Variants in NAP1L4 observed in about 807,000 individuals in gnomAD.
NAP1L4 encodes nucleosome assembly protein 1 like 4, also known as nucleosome assembly protein 1-like 4.
In NAP1L4, 15 loss-of-function variants were observed where a neutral mutation model predicts 58.2. That is an observed-to-expected ratio of 0.26 (90% CI 0.17 to 0.40). NAP1L4 has a LOEUF of 0.40. NAP1L4 is among the 10% of genes least tolerant of loss of function. The probability of loss-of-function intolerance (pLI) is 1.00; values close to 1 mark genes in which losing one functional copy is unlikely to be tolerated. For synonymous variants in NAP1L4, 171 were observed against 155.6 expected (o/e 1.10, Z -0.74); for missense variants, 384 against 451.1 (o/e 0.85, Z 1.35).
rs774443094 is a variant in NAP1L4, at chr11:2,954,496, G to T, written c.1035+31C>A. Reference sequence around the variant, plus strand: ...CTGCACCAACAGAGATAAGCACCCAGGTGGAAGCCCCCCTTCCCCGAGCCT... The same window carrying T: ...CTGCACCAACAGAGATAAGCACCCATGTGGAAGCCCCCCTTCCCCGAGCCT... On this transcript the variant is annotated intron_variant, in intron 12 of 15. Transcript: ENST00000380542. The surrounding 1 kb of genome is among the most constrained non-coding windows in gnomAD (Gnocchi z 4.8). The T allele has an allele frequency of 6.2e-7, 1 of 1,612,940 alleles. No homozygotes were observed. Among genetic ancestry groups the T allele is most frequent in the Admixed American group, 1.7e-5 (1 of 59,964 alleles).
At chr11:2,958,169 C>T (rs1253809178) in intron 10 of NAP1L4, 2 of 680,754 alleles carry the variant, frequency 2.9e-6, no homozygotes, top group African/African-American at 3.5e-5. Context: ...AAAGCTCTTC[C>T]CTTTCCTGCA....
intron 1 of NAP1L4, among the ~76,000 whole-genome samples, chr11:2,984,194 AC>A (rs1294264363): frequency 6.6e-6 from 1 of 151,250 alleles, no homozygotes; most frequent in Non-Finnish European, 1.5e-5. Context: ...AAAAAAGGCA[AC>A]AAACCCTACA....
chr11:2,947,454 G>C (rs564011522), intron 15 of NAP1L4, among the ~76,000 whole-genome samples: 1 of 152,312 alleles, frequency 6.6e-6, no homozygotes, highest in East Asian at 1.9e-4. Context: ...CCCGTGCCTT[G>C]AGGGCACAGC....
At chr11:2,991,416 C>T (rs1048509795) in intron 1 of NAP1L4, 1 of 199,216 alleles carries the variant, frequency 5.0e-6, no homozygotes, top group African/African-American at 2.3e-5. Flanking sequence ...AAGCATGGCA[C>T]TTTCCCATCC....
intron 3 of NAP1L4, among the ~76,000 whole-genome samples, chr11:2,977,004 G>A (rs148238650): frequency 6.6e-6 from 1 of 152,310 alleles, no homozygotes; most frequent in Non-Finnish European, 1.5e-5. Context: ...CTCCCATGAT[G>A]TGGGTAAGTC....
chr11:2,960,895 G>A (rs889885017), intron 8 of NAP1L4, among the ~76,000 whole-genome samples: 5 of 152,146 alleles, frequency 3.3e-5, no homozygotes, highest in African/African-American at 9.7e-5. Context: ...CCAGTTCTAC[G>A]CTCAGACAGC....
rs1845895165 is a variant in NAP1L4 at position 2,945,547 on chromosome 11, A to C, written c.*132T>G. 4.1e-6 allele frequency: 6 copies of C among 1,450,318 alleles called. No individual in the cohort carries two copies. In the South Asian group the frequency reaches 6.1e-5, roughly 15 times the overall value. The allele number at this position is 1,450,318 out of a possible 1,614,324, so 89.8% of individuals were successfully genotyped here. ...CGGGATTGTGCTGCGGCAAGGACCG[A>C]GGCCCCGCCCACAGGCCTGGAGTCC... On this transcript the variant is annotated 3_prime_UTR_variant, in exon 16 of 16. Transcript: ENST00000380542.
In NAP1L4 at chr11:2,976,890, T is replaced by C. The variant is rs557368723; in HGVS notation, c.74-767A>G. On this transcript the variant is annotated intron_variant, in intron 3 of 15. Coordinates refer to ENST00000380542, the MANE Select transcript of NAP1L4 (RefSeq NM_005969.4). ...CACAGACTCTTAACAATCTCCCTCT[T>C]AATGACACAATACAGAAATCCAAAC... is the stretch of plus-strand genomic sequence containing the variant. 2.0e-5 allele frequency among the ~76,000 whole-genome samples: 3 copies of C among 152,308 alleles called. No individual in the cohort carries two copies. The South Asian group carries it at 6.2e-4, about 32-fold the overall frequency.
chr11:2,966,704 G>A (rs1162888809), intron 7 of NAP1L4, among the ~76,000 whole-genome samples: 9 of 152,268 alleles, frequency 5.9e-5, no homozygotes, highest in Admixed American at 2.6e-4. Context: ...AATGCTGCGC[G>A]TGCCACCCAC....
chr11:2,974,346 A>G (rs1481315144), intron 4 of NAP1L4, among the ~76,000 whole-genome samples: 1 of 152,202 alleles, frequency 6.6e-6, no homozygotes, highest in Non-Finnish European at 1.5e-5. Flanking sequence ...TTTTCCTGCA[A>G]TATGGCTAAT....
In NAP1L4 at chr11:2,981,248, A is replaced by T. The variant is rs575828217; in HGVS notation, c.-17-2011T>A. Among the ~76,000 whole-genome samples, 65 of 147,796 alleles carry T rather than the reference A, an allele frequency of 4.4e-4. No homozygotes were observed. In the East Asian group the frequency reaches 0.011, roughly 25 times the overall value. ...GTCAGACTGTCTCAAAACAAAAAGA[A>T]AAAAAAAAAAATGAGGCTGGACACA... On this transcript the variant is annotated intron_variant, in intron 1 of 15. Coordinates refer to ENST00000380542, the MANE Select transcript of NAP1L4 (RefSeq NM_005969.4).
Position 2,959,006 on chromosome 11 carries a change from C to T in NAP1L4, c.747-462G>A, listed in dbSNP as rs114499478. The T allele has an allele frequency of 5.1e-3, 888 of 175,486 alleles. 9 individuals are homozygous for T. The highest frequency in any genetic ancestry group is 0.02 in the African/African-American group (831 of 41,808). 10.9% of individuals were successfully genotyped at this position (175,486 alleles called of 1,614,324 possible). ...ACCACTCCAGCCCCAGGGATGCTGGCGAGGGCTGAGCACAGCACGCTCTCT... is the reference window on the plus strand; with the variant it reads ...ACCACTCCAGCCCCAGGGATGCTGGTGAGGGCTGAGCACAGCACGCTCTCT... On this transcript the variant is annotated intron_variant, in intron 9 of 15. Transcript: ENST00000380542. This position sits in a 1 kb window ranked among gnomAD's most constrained non-coding sequence, Gnocchi z 4.9.
At chr11:2,965,638 C>T (rs1385425832) in intron 7 of NAP1L4, among the ~76,000 whole-genome samples, 1 of 151,986 alleles carries the variant, frequency 6.6e-6, no homozygotes, top group African/African-American at 2.4e-5. Context: ...AGCTCCGCCT[C>T]CCGGATTCAG....
At chr11:2,989,627 ACTATCAACTG>A (rs1481325387) in intron 1 of NAP1L4, among the ~76,000 whole-genome samples, 8 of 152,346 alleles carry the variant, frequency 5.3e-5, no homozygotes, top group African/African-American at 1.9e-4. Flanking sequence ...GATGCTAGAG[ACTATCAACTG>A]CTCAAAAGAA....
intron 1 of NAP1L4, among the ~76,000 whole-genome samples, chr11:2,981,426 A>C (rs1162685999): frequency 2.5e-5 from 3 of 119,250 alleles, no homozygotes; most frequent in Admixed American, 7.8e-5. Flanking sequence ...CTCAAAAAAA[A>C]AAAAAAAAAA....
At position 2,955,359 on chromosome 11, in the gene NAP1L4, C is replaced by T. The variant is rs1220147108; in HGVS notation, c.915+385G>A. Among the ~76,000 whole-genome samples, 3 of 147,912 alleles carry T rather than the reference C, an allele frequency of 2.0e-5. No individual in the cohort carries two copies. Among genetic ancestry groups the T allele is most frequent in the Non-Finnish European group, 4.4e-5 (3 of 67,938 alleles). On this transcript the variant is annotated intron_variant, in intron 11 of 15. Coordinates refer to ENST00000380542, the MANE Select transcript of NAP1L4 (RefSeq NM_005969.4). This position sits in a 1 kb window ranked among gnomAD's most constrained non-coding sequence, Gnocchi z 4.2. ...TTACAGGCGCTGCCACCGTGTCCAA[C>T]TAATTTTTTTTTTTTTTGGTATTTT...
rs914482781 is a variant in NAP1L4 at position 2,992,244 on chromosome 11, G to A, written c.-18+10C>T. 4 of 152,418 alleles carry A rather than the reference G, an allele frequency of 2.6e-5. No individual in the cohort carries two copies. Among genetic ancestry groups the A allele is most frequent in the Non-Finnish European group, 2.9e-5 (2 of 67,994 alleles). The allele number at this position is 152,418 out of a possible 1,614,324, so 9.4% of individuals were successfully genotyped here. ...GCGCCGTTACCGGCCCAGCACCCGT[G>A]TCTCCGCACCTCACGCCTCCTGCGG... On this transcript the variant is annotated intron_variant, in intron 1 of 15. Transcript: ENST00000380542.
At chr11:2,957,495 TACAA>T (rs1458774766) in intron 10 of NAP1L4, among the ~76,000 whole-genome samples, 4 of 152,352 alleles carry the variant, frequency 2.6e-5, no homozygotes, top group African/African-American at 9.6e-5. Context: ...TGGCCCCACA[TACAA>T]ACAAACACTC....
chr11:2,990,635 T>G (rs1848905235), intron 1 of NAP1L4: 1 of 152,544 alleles, frequency 6.6e-6, no homozygotes, highest in Non-Finnish European at 1.5e-5. Context: ...CTTCTTTCAT[T>G]CCCTCTACAG....
Sources: gnomAD v4.1 joint callset for allele counts (sites outside exome capture counted in the v4.1 genomes callset) on GRCh38, gnomAD v4.1.1 for gene constraint, Gnocchi (gnomAD v3.1) non-coding constraint, MANE v1.5 for transcripts, NCBI Gene and HGNC (gene_info 2026-07-23, HGNC 2026-07-21) for gene names.